The following MTR variants were observed in gnomAD, a reference collection of about 807,000 sequenced individuals.
MTR encodes 5-methyltetrahydrofolate-homocysteine methyltransferase, also known as methionine synthase.
In MTR, 84 loss-of-function variants were observed where a neutral mutation model predicts 154.8. That is an observed-to-expected ratio of 0.54 (90% CI 0.45 to 0.65). MTR has a LOEUF of 0.65. MTR is among the 30% of genes least tolerant of loss of function. MTR has a pLI of 0.00. For missense variants in MTR, 1,275 were observed against 1,570.2 expected (o/e 0.81, Z 3.18); for synonymous variants, 554 against 553.9 (o/e 1.00, Z 0.00).
chr1:236,798,621 C>A (rs1318821218), intron 1 of MTR, among the ~76,000 whole-genome samples: 1 of 152,146 alleles, frequency 6.6e-6, no homozygotes, highest in Non-Finnish European at 1.5e-5. Context: ...TACATATATA[C>A]ATTAAACATA....
At chr1:236,896,646 G>A (rs189122827) in intron 31 of MTR, among the ~76,000 whole-genome samples, 1 of 152,308 alleles carries the variant, frequency 6.6e-6, no homozygotes, top group Admixed American at 6.5e-5. Context: ...GGTGGAGGCT[G>A]TTCAGTTGTT....
chr1:236,881,937 G>A (rs966858557), intron 25 of MTR, among the ~76,000 whole-genome samples: 1 of 152,106 alleles, frequency 6.6e-6, no homozygotes, highest in Non-Finnish European at 1.5e-5. Context: ...GAGACCACAC[G>A]TCTGTCAAAG....
At position 236,900,832 on chromosome 1, in the gene MTR, A is replaced by G. The variant is rs1283016556; in HGVS notation, c.*3188A>G. 6.5e-6 allele frequency: 1 copy of G among 152,728 alleles called. No homozygotes were observed. Among genetic ancestry groups the G allele is most frequent in the Non-Finnish European group, 1.5e-5 (1 of 68,148 alleles). The allele number at this position is 152,728 out of a possible 1,614,324, so 9.5% of individuals were successfully genotyped here. The stretch of plus-strand genomic sequence containing the variant: ...GTGCCCAGATACCAGGCTTTGGGGA[A>G]TGAGTGGATGGCTGGACCATTTGCT... On this transcript the variant is annotated 3_prime_UTR_variant, in exon 33 of 33. Transcript: ENST00000366577.
In MTR at chr1:236,900,448, T is replaced by C. The variant is rs10925263; in HGVS notation, c.*2804T>C. 0.12 allele frequency: 18,487 copies of C among 159,128 alleles called. 2,456 individuals are homozygous for C. Among genetic ancestry groups the C allele is most frequent in the African/African-American group, 0.32 (13,294 of 41,456 alleles). 9.9% of individuals were successfully genotyped at this position (159,128 alleles called of 1,614,324 possible). On this transcript the variant is annotated 3_prime_UTR_variant, in exon 33 of 33. Coordinates refer to ENST00000366577, the MANE Select transcript of MTR (RefSeq NM_000254.3). ...GTAACTGATAAACCAAAATTGAGCA[T>C]AGTAATTACCCACAGAAGGAGGAAG... is the stretch of plus-strand genomic sequence containing the variant.
At chr1:236,820,561 C>T in intron 8 of MTR, 1 of 597,836 alleles carries the variant, frequency 1.7e-6, no homozygotes, top group Non-Finnish European at 3.0e-6. Context: ...GGAAATAAGG[C>T]TGATGGAAAA....
Position 236,900,130 on chromosome 1 carries a change from T to C in MTR, c.*2486T>C, listed in dbSNP as rs1213257027. 5.1e-6 allele frequency: 2 copies of C among 395,714 alleles called. No homozygotes were observed. The highest frequency in any genetic ancestry group is 1.0e-5 in the Non-Finnish European group (2 of 199,852). The allele number at this position is 395,714 out of a possible 1,614,324, so 24.5% of individuals were successfully genotyped here. ...TGTAAGAATGTTCATAGTTACATAT[T>C]TATAATAGTTAATAACTGGAAAAAG... On this transcript the variant is annotated 3_prime_UTR_variant, in exon 33 of 33. Coordinates refer to ENST00000366577, the MANE Select transcript of MTR (RefSeq NM_000254.3).
At chr1:236,800,472 A>G (rs921461755) in intron 1 of MTR, 3 of 985,268 alleles carry the variant, frequency 3.0e-6, no homozygotes, top group Non-Finnish European at 3.6e-6. Flanking sequence ...TCAGCTGGGC[A>G]TGTAGGTTAG....
chr1:236,815,588 CT>C lies in MTR; in HGVS notation c.610-10del, dbSNP rs747153541. 6.2e-6 allele frequency: 10 copies of C among 1,613,570 alleles called. No homozygotes were observed. The Admixed American group carries it at 1.7e-4, about 27-fold the overall frequency. ...ACTCTCAGAAATAAAGACGTTCTTT[CT>C]TTTTTCCCTGACAGGCAGCCTTGTT... On this transcript the variant is annotated splice_polypyrimidine_tract_variant and intron_variant, in intron 6 of 32. Coordinates refer to ENST00000366577, the MANE Select transcript of MTR (RefSeq NM_000254.3).
At chr1:236,823,633 A>G (rs971517979) in intron 8 of MTR, among the ~76,000 whole-genome samples, 1 of 151,996 alleles carries the variant, frequency 6.6e-6, no homozygotes, top group Non-Finnish European at 1.5e-5. Context: ...CCCACCACCC[A>G]CTGACAACCT....
intron 25 of MTR, among the ~76,000 whole-genome samples, chr1:236,882,475 A>G (rs978996500): frequency 2.0e-5 from 3 of 147,728 alleles, no homozygotes; most frequent in African/African-American, 5.0e-5. Context: ...ACTGCAACCT[A>G]CGCCTCCCAG....
intron 18 of MTR, among the ~76,000 whole-genome samples, chr1:236,858,934 G>A (rs10925251): frequency 0.045 from 6,871 of 152,172 alleles, 479 homozygotes; most frequent in East Asian, 0.2. Flanking sequence ...CTTAGCTTAC[G>A]ATAACCATTC....
intron 24 of MTR, among the ~76,000 whole-genome samples, chr1:236,879,088 A>G (rs1223808160): frequency 6.6e-6 from 1 of 152,230 alleles, no homozygotes; most frequent in African/African-American, 2.4e-5. Context: ...TTAAAAACAC[A>G]CTCATGCATA....
chr1:236,884,420 G>A (rs574946211), intron 25 of MTR, among the ~76,000 whole-genome samples: 1 of 152,316 alleles, frequency 6.6e-6, no homozygotes, highest in African/African-American at 2.4e-5. Context: ...CAGGTTCAAA[G>A]TTTCACTAGA....
rs116647007 is a variant in MTR at position 236,821,532 on chromosome 1, A to G, written c.765-2587A>G. ...TGTGGTTTGTCTTCTCATGTACTTAATACTGTCTTTTGCTGAACAGTTTTA... is the reference window on the plus strand; with the variant it reads ...TGTGGTTTGTCTTCTCATGTACTTAGTACTGTCTTTTGCTGAACAGTTTTA... On this transcript the variant is annotated intron_variant, in intron 8 of 32. Transcript: ENST00000366577. Among the ~76,000 whole-genome samples the G allele has an allele frequency of 3.1e-3, 473 of 152,302 alleles. 2 individuals are homozygous for G. Among genetic ancestry groups the G allele is most frequent in the Non-Finnish European group, 5.5e-3 (372 of 68,018 alleles).
chr1:236,878,297 AGT>A (rs1193514022), intron 24 of MTR, among the ~76,000 whole-genome samples: 29 of 152,302 alleles, frequency 1.9e-4, no homozygotes, highest in African/African-American at 3.4e-4. Context: ...CAGGAGTTGA[AGT>A]GTCTCAGAAG....
chr1:236,803,255 C>T (rs1296162407), intron 1 of MTR, among the ~76,000 whole-genome samples, 173 bp from the exon 2 acceptor site: 1 of 152,182 alleles, frequency 6.6e-6, no homozygotes, highest in Non-Finnish European at 1.5e-5. Flanking sequence ...TAGGCATTGT[C>T]ACGACTTAAT....
chr1:236,816,131 A>G (rs1047029145), intron 7 of MTR, among the ~76,000 whole-genome samples: 4 of 152,258 alleles, frequency 2.6e-5, no homozygotes, highest in Admixed American at 1.3e-4. Flanking sequence ...GCAGGAGGTC[A>G]GGATGACTTG....
rs6694576 is a variant in MTR at position 236,814,209 on chromosome 1, G to A, written c.609+1365G>A. On this transcript the variant is annotated intron_variant, in intron 6 of 32. Coordinates refer to ENST00000366577, the MANE Select transcript of MTR (RefSeq NM_000254.3). The stretch of plus-strand genomic sequence containing the variant: ...ACTTTCACTGGGTTCTTTTTTATAT[G>A]TCTTTTTAGAAATTGTTTTGTGAAT... Among the ~76,000 whole-genome samples, 104,523 of 152,002 alleles carry A rather than the reference G, an allele frequency of 0.69. 36,753 individuals carry two copies. Among genetic ancestry groups the A allele is most frequent in the African/African-American group, 0.84 (34,716 of 41,484 alleles).
At position 236,835,658 on chromosome 1, in the gene MTR, T is replaced by C; in HGVS notation, c.1300T>C (p.Leu434=). The C allele has an allele frequency of 6.2e-7, 1 of 1,612,178 alleles. No homozygotes were observed. The highest frequency in any genetic ancestry group is 8.5e-7 in the Non-Finnish European group (1 of 1,179,670). Residue 434 remains leucine, a synonymous_variant, in exon 14 of 33, where the codon TTA becomes CTA. Transcript: ENST00000366577. ...GPSAMTRFCN[L]IASEPDIAKV... Reference sequence around the variant, plus strand: ...AAGTGCAATGACCAGATTTTGCAACTTAATTGCTTCCGAGCCAGACATCGC... The same window carrying C: ...AAGTGCAATGACCAGATTTTGCAACCTAATTGCTTCCGAGCCAGACATCGC...
Sources: allele counts gnomAD v4.1 joint callset (sites outside exome capture counted in the v4.1 genomes callset), GRCh38; gene constraint gnomAD v4.1.1; transcripts MANE v1.5; gene names NCBI Gene and HGNC (gene_info 2026-07-23, HGNC 2026-07-21).